TTLL8: variants seen among roughly 807,000 people sequenced by gnomAD.
TTLL8 encodes the protein tubulin tyrosine ligase like 8, also known as protein monoglycylase TTLL8.
A neutral mutation model predicts 77.8 loss-of-function variants in TTLL8; 65 were observed. The observed-to-expected ratio is 0.84, with a 90% CI of 0.68 to 1.03. The LOEUF is 1.03. Ranked by LOEUF, TTLL8 falls within the 50% of genes least tolerant of loss-of-function variation. TTLL8 has a pLI of 0.00. For missense variants in TTLL8, 910 were observed against 1,004.5 expected (o/e 0.91, Z 1.27); for synonymous variants, 402 against 422.8 (o/e 0.95, Z 0.60).
intron 6 of TTLL8, 114 bp downstream of exon 8, chr22:50,045,141 T>C: frequency 2.6e-6 from 3 of 1,156,190 alleles, no homozygotes; most frequent in Non-Finnish European, 3.3e-6. Context: ...CATCGCTGTA[T>C]CCAGCCCCGG....
chr22:50,040,813 C>T (rs915554446), intron 8 of TTLL8, among the ~76,000 whole-genome samples: 2 of 152,194 alleles, frequency 1.3e-5, no homozygotes, highest in African/African-American at 2.4e-5. Context: ...GCCCATCAGC[C>T]GGCACCTGCT....
chr22:50,038,751 G>A (rs890669141), intron 8 of TTLL8, among the ~76,000 whole-genome samples: 1 of 152,014 alleles, frequency 6.6e-6, no homozygotes, highest in African/African-American at 2.4e-5. Flanking sequence ...GTTTGAGGTT[G>A]CAGTGAGCTA....
intron 11 of TTLL8, 55 bp from the exon 13 acceptor site, chr22:50,030,980 C>T (rs1434557555): frequency 7.8e-7 from 1 of 1,285,770 alleles, no homozygotes; most frequent in East Asian, 5.4e-5. Context: ...AGGGGGGGTC[C>T]CTGCAGGAGG....
chr22:50,045,238 G>A lies in TTLL8; in HGVS notation c.643+17C>T. The A allele has an allele frequency of 7.4e-7, 1 of 1,348,638 alleles. No homozygotes were observed. The allele number at this position is 1,348,638 out of a possible 1,614,324, so 83.5% of individuals were successfully genotyped here. Reference sequence around the variant, plus strand: ...AGCTCTGGTGGCCTGGCACTGCCCTGCCCCGGCCCAGCGCACCTTGCCTGC... The same window carrying A: ...AGCTCTGGTGGCCTGGCACTGCCCTACCCCGGCCCAGCGCACCTTGCCTGC... On this transcript the variant is annotated intron_variant, in intron 6 of 13. Transcript: ENST00000266182.
intron 2 of TTLL8, 133 bp downstream of exon 4, chr22:50,049,976 C>G: frequency 3.6e-6 from 4 of 1,121,288 alleles, no homozygotes; most frequent in Non-Finnish European, 4.6e-6. Context: ...GTGATGGAGA[C>G]CTGGGGTCGG....
At chr22:50,058,228 C>T (rs2061497677), upstream of TTLL8, among the ~76,000 whole-genome samples, 1 of 151,354 alleles carries the variant, frequency 6.6e-6, no homozygotes. This position sits in a 1 kb window ranked among gnomAD's most constrained non-coding sequence, Gnocchi z 4.2. Flanking sequence ...CTGGGGCGGC[C>T]ACGCGCATTG....
chr22:50,024,159 T>C (rs1485422554), intron 12 of TTLL8, among the ~76,000 whole-genome samples: 1 of 152,152 alleles, frequency 6.6e-6, no homozygotes, highest in East Asian at 1.9e-4. Context: ...GTTTTTGAGG[T>C]GGAGTCTCTC....
At chr22:50,045,151 G>A in intron 6 of TTLL8, 104 bp downstream of exon 8, 1 of 1,193,688 alleles carries the variant, frequency 8.4e-7, no homozygotes, top group Non-Finnish European at 1.1e-6. Context: ...TCCAGCCCCG[G>A]CTGCTGCAAC....
chr22:50,042,966 C>T (rs1323369999), intron 6 of TTLL8, among the ~76,000 whole-genome samples: 1 of 152,224 alleles, frequency 6.6e-6, no homozygotes, highest in Non-Finnish European at 1.5e-5. Context: ...TGCCATACCA[C>T]CCAGTAAGTG....
intron 9 of TTLL8, 85 bp from the exon 11 acceptor site, chr22:50,033,530 C>A: frequency 1.6e-6 from 2 of 1,225,584 alleles, no homozygotes; most frequent in South Asian, 2.6e-5. Context: ...AGGGTCGCAG[C>A]TTGGCCCTGA....
exon 11 of TTLL8, chr22:50,031,780 G>A (rs776408711): frequency 8.6e-5 from 118 of 1,366,310 alleles, no homozygotes; most frequent in Non-Finnish European, 1.0e-4. Flanking sequence ...CAGCTGGGCC[G>A]TGACCGGCGT....
chr22:50,020,920 G>GAC lies in TTLL8; in HGVS notation c.2204-4359_2204-4358insGT, dbSNP rs1489289313. Among the ~76,000 whole-genome samples the GAC allele has an allele frequency of 1.1e-4, 15 of 133,268 alleles. No homozygotes were observed. In the South Asian group the frequency reaches 2.0e-3, roughly 18 times the overall value. 87.4% of individuals were successfully genotyped at this position (133,268 alleles called of 152,430 possible). A position where few individuals can be genotyped will look rare whatever the true frequency, so the allele number is the denominator to read the frequency against. On this transcript the variant is annotated intron_variant, in intron 12 of 13. Coordinates refer to ENST00000266182, the Ensembl canonical transcript of TTLL8. ...CCATCTGACGTGCACTCCTCCATCT[G>GAC]AATGTGTACTCCTCCATCTGATGAT...
chr22:50,025,426 G>T (rs1159088485), intron 12 of TTLL8, among the ~76,000 whole-genome samples: 1 of 152,152 alleles, frequency 6.6e-6, no homozygotes, highest in Non-Finnish European at 1.5e-5. Flanking sequence ...CAGCACCTGA[G>T]GTCGGGAGTT....
rs2061324099 is a variant in TTLL8, at chr22:50,034,740, G to A, written c.922-278C>T. On this transcript the variant is annotated intron_variant, in intron 8 of 13. Transcript: ENST00000266182. The surrounding 1 kb of genome is among the most constrained non-coding windows in gnomAD (Gnocchi z 4.1). ...GGACCCCGGTGTGTGGGTCGGAGCT[G>A]GCCACAGACCCCAAGCAGCACCCTG... is the stretch of plus-strand genomic sequence containing the variant. 6.6e-6 allele frequency among the ~76,000 whole-genome samples: 1 copy of A among 152,116 alleles called. No homozygotes were observed. Among genetic ancestry groups the A allele is most frequent in the Non-Finnish European group, 1.5e-5 (1 of 68,004 alleles).
At chr22:50,028,252 C>T (rs905718046) in intron 12 of TTLL8, among the ~76,000 whole-genome samples, 3 of 152,188 alleles carry the variant, frequency 2.0e-5, no homozygotes, top group South Asian at 2.1e-4. Context: ...TGGCACTGGG[C>T]TAAGCCTCCA....
At chr22:50,054,058 C>T in intron 1 of TTLL8, among the ~76,000 whole-genome samples, 1 of 152,162 alleles carries the variant, frequency 6.6e-6, no homozygotes, top group Non-Finnish European at 1.5e-5. Flanking sequence ...CTGGCCATAA[C>T]CTCACCATGC....
intron 3 of TTLL8, among the ~76,000 whole-genome samples, chr22:50,048,828 A>C (rs550836290): frequency 3.3e-5 from 5 of 152,272 alleles, no homozygotes; most frequent in Admixed American, 1.3e-4. Context: ...GGAGCCCCGG[A>C]GGGACTAGGC....
At chr22:50,027,586 G>A in intron 12 of TTLL8, 3 of 953,124 alleles carry the variant, frequency 3.1e-6, no homozygotes, top group Non-Finnish European at 3.7e-6. Flanking sequence ...GCAGATTCAA[G>A]GTGATCCCAG....
chr22:50,026,896 G>A (rs915360517), intron 12 of TTLL8, among the ~76,000 whole-genome samples: 2 of 152,090 alleles, frequency 1.3e-5, no homozygotes, highest in African/African-American at 2.4e-5. Context: ...CAAAGAACCC[G>A]GTTAAATGAA....
Sources: gnomAD v4.1 joint callset for allele counts (sites outside exome capture counted in the v4.1 genomes callset) on GRCh38, gnomAD v4.1.1 for gene constraint, Gnocchi (gnomAD v3.1) non-coding constraint, MANE v1.5 for transcripts, NCBI Gene and HGNC (gene_info 2026-07-23, HGNC 2026-07-21) for gene names.